Variants in CWH43 observed in about 807,000 individuals in gnomAD.
CWH43 encodes the protein cell wall biogenesis 43 C-terminal homolog.
In CWH43, 91 loss-of-function variants were observed where a neutral mutation model predicts 85.7. The ratio of observed to expected loss-of-function variants is 1.06; its 90% confidence interval spans 0.90 to 1.26. CWH43 has a LOEUF of 1.26. Ranked by LOEUF, CWH43 falls within the 50% of genes most tolerant of loss-of-function variation. The pLI, the probability that CWH43 is intolerant of heterozygous loss-of-function variation, is 0.00. For synonymous variants in CWH43, 323 were observed against 293.6 expected (o/e 1.10, Z -1.02); for missense variants, 869 against 839.2 (o/e 1.04, Z -0.44).
Position 48,992,138 on chromosome 4 carries a change from T to A in CWH43, c.511+48T>A. ...TTCTCTTTGCAGAGCTTACCTTTCC[T>A]ATGTGAATGTTGCACATCTTGGAAA... On this transcript the variant is annotated intron_variant, in intron 4 of 15. Coordinates refer to ENST00000226432, the MANE Select transcript of CWH43 (RefSeq NM_025087.3). This position sits in a 1 kb window ranked among gnomAD's most constrained non-coding sequence, Gnocchi z 4.3. The A allele has an allele frequency of 6.9e-7, 1 of 1,454,744 alleles. No homozygotes were observed. The highest frequency in any genetic ancestry group is 9.5e-7 in the Non-Finnish European group (1 of 1,050,352). The allele number at this position is 1,454,744 out of a possible 1,614,324, so 90.1% of individuals were successfully genotyped here.
At position 48,994,789 on chromosome 4, in the gene CWH43, C is replaced by A; in HGVS notation, c.682C>A (p.Pro228Thr). 2 of 1,613,888 alleles carry A rather than the reference C, an allele frequency of 1.2e-6. No individual in the cohort carries two copies. Among genetic ancestry groups the A allele is most frequent in the Non-Finnish European group, 1.7e-6 (2 of 1,180,008 alleles). The change falls in exon 5 of 16, where the codon CCA becomes ACA. Residue 228 changes from proline (P) to threonine (T), a missense_variant. Physicochemically the swap from Pro to Thr is conservative, Grantham distance 38 (BLOSUM62 -1). Coordinates refer to ENST00000226432, the MANE Select transcript of CWH43 (RefSeq NM_025087.3). Reference sequence around the variant, plus strand: ...TTCCAGATGGGCAGTGAGTGGGCATCCACATCCAGGGCCAGATCCTAACCC... The same window carrying A: ...TTCCAGATGGGCAGTGAGTGGGCATACACATCCAGGGCCAGATCCTAACCC... ...LVSRWAVSGH[P>T]HPGPDPNPFG... is the part of the protein sequence containing the mutation.
chr4:49,017,479 T>G, intron 9 of CWH43, 151 bp downstream of exon 9: 1 of 533,458 alleles, frequency 1.9e-6, no homozygotes. Context: ...ACTGATAAGA[T>G]AGTGGGATTA....
chr4:49,013,602 C>A (rs1382783296), intron 8 of CWH43, among the ~76,000 whole-genome samples: 1 of 150,976 alleles, frequency 6.6e-6, no homozygotes, highest in Non-Finnish European at 1.5e-5. Flanking sequence ...CAGAACAGAG[C>A]TGTTCCTATT....
At chr4:49,038,675 G>A (rs999217938) in intron 13 of CWH43, among the ~76,000 whole-genome samples, 1 of 152,124 alleles carries the variant, frequency 6.6e-6, no homozygotes, top group African/African-American at 2.4e-5. Context: ...CTTGATGGGA[G>A]GAATATCAAA....
chr4:49,060,238 T>C (rs565275129), intron 15 of CWH43, among the ~76,000 whole-genome samples: 1 of 151,806 alleles, frequency 6.6e-6, no homozygotes, highest in Non-Finnish European at 1.5e-5. Flanking sequence ...TGGGTATTGC[T>C]CTGGAGGCCA....
In CWH43 at chr4:49,038,089, G is replaced by A; in HGVS notation, c.1712G>A (p.Ser571Asn). The A allele has an allele frequency of 2.5e-6, 4 of 1,612,948 alleles. No individual in the cohort carries two copies. The highest frequency in any genetic ancestry group is 3.4e-6 in the Non-Finnish European group (4 of 1,179,456). ...ATTGCTGTTTCAAAACTACTGAAAA[G>A]TAGCTCTAATCAAGTGATATTTCTG... ...QAIAVSKLLK[S>N]SSNQVIFLGY... Residue 571 changes from serine to asparagine, a missense_variant, in exon 13 of 16, where the codon AGT becomes AAT. Ser to Asn is a conservative substitution (Grantham distance 46). This residue lies in a region of CWH43 where 577 missense variants were observed against 513.1 expected (regional missense o/e 1.12). Transcript: ENST00000226432.
intron 14 of CWH43, among the ~76,000 whole-genome samples, chr4:49,046,531 T>C (rs748870116): frequency 2.0e-5 from 3 of 151,966 alleles, no homozygotes; most frequent in Admixed American, 6.6e-5. Flanking sequence ...AGAAAAATAA[T>C]AAATCCAGGT....
intron 4 of CWH43, among the ~76,000 whole-genome samples, chr4:48,994,366 T>G (rs537871106): frequency 6.6e-6 from 1 of 152,208 alleles, no homozygotes; most frequent in Non-Finnish European, 1.5e-5. Flanking sequence ...TTTTCTGCAT[T>G]TTCACCTGTT....
chr4:49,022,566 A>G (rs1783785132), intron 9 of CWH43, among the ~76,000 whole-genome samples: 1 of 152,220 alleles, frequency 6.6e-6, no homozygotes, highest in East Asian at 1.9e-4. Context: ...GCTTCATAGA[A>G]TGATTTAGAA....
At chr4:49,023,657 A>G (rs1783817378) in intron 9 of CWH43, among the ~76,000 whole-genome samples, 1 of 152,188 alleles carries the variant, frequency 6.6e-6, no homozygotes, top group Non-Finnish European at 1.5e-5. Context: ...GATTACAGGC[A>G]TGAGCCACTG....
At chr4:49,037,593 T>C (rs1001914909) in intron 12 of CWH43, among the ~76,000 whole-genome samples, 4 of 152,018 alleles carry the variant, frequency 2.6e-5, no homozygotes, top group African/African-American at 9.7e-5. Context: ...AGTGTTCAGT[T>C]GAAGGAGCTT....
rs1430481156 is a variant in CWH43, at chr4:49,013,806, T to G, written c.1187-3443T>G. Among the ~76,000 whole-genome samples the G allele has an allele frequency of 3.3e-5, 5 of 152,192 alleles. No homozygotes were observed. In the East Asian group the frequency reaches 9.6e-4, roughly 29 times the overall value. Reference sequence around the variant, plus strand: ...TACTCCATTTCTTGTTTTCCTTTTTTGGGGAGATTATGTTAATGTTTGGGA... The same window carrying G: ...TACTCCATTTCTTGTTTTCCTTTTTGGGGGAGATTATGTTAATGTTTGGGA... On this transcript the variant is annotated intron_variant, in intron 8 of 15. Coordinates refer to ENST00000226432, the MANE Select transcript of CWH43 (RefSeq NM_025087.3).
At chr4:49,028,878 C>G in intron 10 of CWH43, 144 bp downstream of exon 10, 1 of 583,640 alleles carries the variant, frequency 1.7e-6, no homozygotes. Flanking sequence ...CTCAAAAATG[C>G]TTTACTTTGG....
At chr4:48,993,568 C>T (rs1051717960) in intron 4 of CWH43, among the ~76,000 whole-genome samples, 13 of 152,160 alleles carry the variant, frequency 8.5e-5, no homozygotes, top group African/African-American at 2.7e-4. Context: ...TCTGTTTCTA[C>T]GAAGAAGTCC....
chr4:49,039,431 T>TTA (rs748807682), intron 13 of CWH43, among the ~76,000 whole-genome samples: 1,749 of 124,010 alleles, frequency 0.014, 13 homozygotes, highest in East Asian at 0.029. Context: ...ATATATACAC[T>TTA]TATATATATA....
At chr4:49,050,615 C>A (rs970438132) in intron 14 of CWH43, 79 bp from the exon 15 acceptor site, 3 of 1,125,286 alleles carry the variant, frequency 2.7e-6, no homozygotes, top group Middle Eastern at 2.1e-4. Flanking sequence ...GGTTTAATAA[C>A]AAAGGGGTAT....
chr4:48,994,128 G>A (rs1355170994), intron 4 of CWH43, among the ~76,000 whole-genome samples: 1 of 152,132 alleles, frequency 6.6e-6, no homozygotes, highest in Non-Finnish European at 1.5e-5. Flanking sequence ...AAAGTTAAAT[G>A]AGTTAATATA....
At position 48,988,478 on chromosome 4, in the gene CWH43, A is replaced by C; in HGVS notation, c.45A>C (p.Gly15=). The C allele has an allele frequency of 6.5e-7, 1 of 1,544,070 alleles. No homozygotes were observed. Among genetic ancestry groups the C allele is most frequent in the South Asian group, 1.3e-5 (1 of 79,768 alleles). ...CTTTAACTTTTTTTTTTTTTGTAGG[A>C]TGTGTTTCTTGGTCTCTCTACCATG... ...WREILLESLL[G]CVSWSLYHDL... Residue 15 remains glycine (G), a splice_region_variant and synonymous_variant, in exon 2 of 16, where the codon GGA becomes GGC. Transcript: ENST00000226432.
chr4:49,038,368 T>C (rs1347126169), intron 13 of CWH43, among the ~76,000 whole-genome samples, 188 bp downstream of exon 13: 6 of 152,206 alleles, frequency 3.9e-5, no homozygotes, highest in African/African-American at 1.4e-4. Flanking sequence ...ATCTCCAATG[T>C]GGACAGGGCT....
Sources: gnomAD v4.1 joint callset for allele counts (sites outside exome capture counted in the v4.1 genomes callset) on GRCh38, gnomAD v4.1.1 for gene constraint, gnomAD v4.1.1 regional missense constraint, Gnocchi (gnomAD v3.1) non-coding constraint, MANE v1.5 for transcripts, NCBI Gene and HGNC (gene_info 2026-07-23, HGNC 2026-07-21) for gene names.